PLCXD3: variants seen among roughly 807,000 people sequenced by gnomAD.
PLCXD3 encodes phosphatidylinositol specific phospholipase C X domain containing 3, also known as PI-PLC X domain-containing protein 3.
A neutral mutation model predicts 25.5 loss-of-function variants in PLCXD3; 19 were observed. The observed-to-expected ratio is 0.75, with a 90% confidence interval of 0.52 to 1.09. The LOEUF (loss-of-function observed/expected upper bound fraction) is 1.09. Ranked by LOEUF, PLCXD3 falls within the 50% of genes least tolerant of loss-of-function variation. PLCXD3 has a pLI of 0.00. For synonymous variants in PLCXD3, 174 were observed against 137.6 expected (o/e 1.26, Z -1.85); for missense variants, 411 against 388.1 (o/e 1.06, Z -0.50).
At chr5:41,443,853 T>C (rs1400585902) in intron 1 of PLCXD3, among the ~76,000 whole-genome samples, 1 of 152,208 alleles carries the variant, frequency 6.6e-6, no homozygotes, top group Non-Finnish European at 1.5e-5. Context: ...AAATAGCAAA[T>C]TGGTCTGAGA....
intron 1 of PLCXD3, among the ~76,000 whole-genome samples, chr5:41,387,386 ATTGT>A (rs1745671969): frequency 6.6e-6 from 1 of 152,242 alleles, no homozygotes; most frequent in South Asian, 2.1e-4. Flanking sequence ...GAAAATTTGT[ATTGT>A]TTAAGCCACT....
chr5:41,446,191 A>AAAAAAAAAAAAAAAAAAAAAAAAAC (rs1561275936), intron 1 of PLCXD3, among the ~76,000 whole-genome samples: 2 of 148,662 alleles, frequency 1.3e-5, no homozygotes, highest in Non-Finnish European at 3.0e-5. Flanking sequence ...AAAAAAAAAA[A>AAAAAAAAAAAAAAAAAAAAAAAAAC]AAAAAAAAAA....
At chr5:41,457,165 T>C (rs1332406154) in intron 1 of PLCXD3, among the ~76,000 whole-genome samples, 1 of 151,950 alleles carries the variant, frequency 6.6e-6, no homozygotes, top group African/African-American at 2.4e-5. Context: ...TGTTGGATAA[T>C]GAACTTAAGG....
chr5:41,408,480 C>T (rs1278870111), intron 1 of PLCXD3, among the ~76,000 whole-genome samples: 3 of 152,126 alleles, frequency 2.0e-5, no homozygotes, highest in Non-Finnish European at 4.4e-5. Context: ...TGAGGACATT[C>T]TAAGTTTTGG....
At chr5:41,434,074 A>G (rs139618780) in intron 1 of PLCXD3, among the ~76,000 whole-genome samples, 1 of 152,310 alleles carries the variant, frequency 6.6e-6, no homozygotes, top group East Asian at 1.9e-4. Context: ...TGTTCAGGGG[A>G]AAAGCAGGAA....
intron 2 of PLCXD3, among the ~76,000 whole-genome samples, chr5:41,336,227 A>G (rs887178975): frequency 1.3e-5 from 2 of 152,320 alleles, no homozygotes; most frequent in Admixed American, 6.5e-5. Context: ...ACAATACATT[A>G]TAGATAGGTG....
At chr5:41,406,566 A>G (rs903876523) in intron 1 of PLCXD3, among the ~76,000 whole-genome samples, 2 of 152,140 alleles carry the variant, frequency 1.3e-5, no homozygotes, top group African/African-American at 4.8e-5. Context: ...TCAGTCTTGA[A>G]GTTGTACTGT....
intron 2 of PLCXD3, among the ~76,000 whole-genome samples, chr5:41,355,074 G>GC (rs1744580297): frequency 6.6e-6 from 1 of 152,094 alleles, no homozygotes; most frequent in African/African-American, 2.4e-5. Flanking sequence ...CACACATCAA[G>GC]CTTCCCTTTC....
rs1745773502 is a variant in PLCXD3 at position 41,390,368 on chromosome 5, A to G, written c.104-7834T>C. ...AACATTTCTCTTTCATTATTATTGC[A>G]TAACTCCAAGGAGTAGAATTGCTAG... On this transcript the variant is annotated intron_variant, in intron 1 of 2. Transcript: ENST00000377801. 2.0e-5 allele frequency among the ~76,000 whole-genome samples: 3 copies of G among 152,152 alleles called. No individual in the cohort carries two copies. In the South Asian group the frequency reaches 6.2e-4, roughly 31 times the overall value.
intron 2 of PLCXD3, among the ~76,000 whole-genome samples, chr5:41,326,359 A>C (rs1296465998): frequency 1.3e-5 from 2 of 152,012 alleles, no homozygotes; most frequent in African/African-American, 4.8e-5. Context: ...ATGTTTCTCA[A>C]ATTAATTTGA....
chr5:41,436,322 C>G (rs1232012836), intron 1 of PLCXD3, among the ~76,000 whole-genome samples: 1 of 151,970 alleles, frequency 6.6e-6, no homozygotes, highest in Non-Finnish European at 1.5e-5. Context: ...AGAATGAAAT[C>G]TAACACATAG....
rs546177124 is a variant in PLCXD3 at position 41,415,661 on chromosome 5, C to T, written c.104-33127G>A. Among the ~76,000 whole-genome samples the T allele has an allele frequency of 7.9e-5, 12 of 152,244 alleles. No individual in the cohort carries two copies. The East Asian group carries it at 2.1e-3, about 27-fold the overall frequency. On this transcript the variant is annotated intron_variant, in intron 1 of 2. Transcript: ENST00000377801. ...TAAATAGGTTATATCTTCAATGTGA[C>T]TCAAAGTTCCCCCAAAAAAGAGATT...
At chr5:41,384,715 G>A (rs1010131479) in intron 1 of PLCXD3, among the ~76,000 whole-genome samples, 2 of 152,068 alleles carry the variant, frequency 1.3e-5, no homozygotes, top group Non-Finnish European at 2.9e-5. Flanking sequence ...TAAAGGCAAG[G>A]AAATCACCAC....
chr5:41,338,769 T>G (rs1744054176), intron 2 of PLCXD3, among the ~76,000 whole-genome samples: 1 of 152,156 alleles, frequency 6.6e-6, no homozygotes, highest in Non-Finnish European at 1.5e-5. Flanking sequence ...TCTTCCCTTA[T>G]TCTTCTTAAA....
chr5:41,490,756 T>C (rs1466142142), intron 1 of PLCXD3, among the ~76,000 whole-genome samples: 1 of 152,228 alleles, frequency 6.6e-6, no homozygotes, highest in African/African-American at 2.4e-5. Flanking sequence ...TGGTAGTTTG[T>C]ATTTCTGTGG....
At chr5:41,491,574 T>C (rs913806367) in intron 1 of PLCXD3, among the ~76,000 whole-genome samples, 2 of 152,150 alleles carry the variant, frequency 1.3e-5, no homozygotes, top group Non-Finnish European at 2.9e-5. Context: ...AGTCTAAGTC[T>C]CTTTGTAGGT....
intron 2 of PLCXD3, among the ~76,000 whole-genome samples, chr5:41,366,154 C>T (rs1386642745): frequency 6.6e-6 from 1 of 152,076 alleles, no homozygotes; most frequent in South Asian, 2.1e-4. Flanking sequence ...CAAGTATTCT[C>T]ATTGTTCAAT....
intron 2 of PLCXD3, among the ~76,000 whole-genome samples, chr5:41,378,086 A>C (rs1310477132): frequency 6.6e-6 from 1 of 152,116 alleles, no homozygotes; most frequent in Non-Finnish European, 1.5e-5. Flanking sequence ...AGGCTTCATC[A>C]CTTGGTAAGA....
At chr5:41,428,863 T>A (rs998012523) in intron 1 of PLCXD3, among the ~76,000 whole-genome samples, 5 of 152,070 alleles carry the variant, frequency 3.3e-5, no homozygotes, top group African/African-American at 9.7e-5. Flanking sequence ...AACAAAATAG[T>A]TTCACAGTAA....
Sources: gnomAD v4.1 joint callset for allele counts (sites outside exome capture counted in the v4.1 genomes callset) on GRCh38, gnomAD v4.1.1 for gene constraint, MANE v1.5 for transcripts, NCBI Gene and HGNC (gene_info 2026-07-23, HGNC 2026-07-21) for gene names.